Variants in SAMD4A observed in about 807,000 individuals in gnomAD.
SAMD4A encodes protein Smaug homolog 1.
Under a neutral mutation model 81.3 loss-of-function variants are expected in SAMD4A, and 33 were observed. The ratio of observed to expected loss-of-function variants is 0.41; its 90% CI spans 0.31 to 0.54. The LOEUF is 0.54. Among genes scored for constraint, SAMD4A ranks in the 20% least tolerant of loss-of-function variants. SAMD4A has a pLI of 0.37. For missense variants in SAMD4A, 854 were observed against 951.1 expected, an observed-to-expected ratio of 0.90 and a Z score of 1.34; for synonymous variants, 389 against 382.1, an observed-to-expected ratio of 1.02 and a Z score of -0.21.
chr14:54,784,584 T>A lies in SAMD4A; in HGVS notation c.2092T>A (p.Ser698Thr). The change falls in exon 12 of 13, where the codon TCG becomes ACG. Residue 698 changes from serine to threonine, a missense_variant. Coordinates refer to ENST00000554335, the MANE Select transcript of SAMD4A (RefSeq NM_015589.6). ...TEPDINNRLESLCLSMTEHAL... is the reference protein window; with the variant it reads ...TEPDINNRLETLCLSMTEHAL... ...ACCTGACATCAACAACAGGCTGGAG[T>A]CGTTGTGCCTCAGTATGACCGAACA... 6.2e-7 allele frequency: 1 copy of A among 1,613,646 alleles called. No individual in the cohort carries two copies. Among genetic ancestry groups the A allele is most frequent in the Non-Finnish European group, 8.5e-7 (1 of 1,179,876 alleles).
intron 10 of SAMD4A, among the ~76,000 whole-genome samples, chr14:54,775,358 G>A (rs2038815678): frequency 6.6e-6 from 1 of 152,180 alleles, no homozygotes; most frequent in African/African-American, 2.4e-5. Flanking sequence ...CTTTAACCTT[G>A]GGGACCCTGC....
At chr14:54,633,784 G>A (rs1429215352) in intron 2 of SAMD4A, among the ~76,000 whole-genome samples, 1 of 152,116 alleles carries the variant, frequency 6.6e-6, no homozygotes, top group African/African-American at 2.4e-5. Flanking sequence ...AATGAGGAGA[G>A]TAATTTCACA....
chr14:54,655,049 A>T (rs969638131), intron 2 of SAMD4A, among the ~76,000 whole-genome samples: 20 of 152,230 alleles, frequency 1.3e-4, no homozygotes, highest in African/African-American at 4.3e-4. Flanking sequence ...GGAGACTAGG[A>T]TCTTAGCCTC....
intron 2 of SAMD4A, among the ~76,000 whole-genome samples, chr14:54,690,785 T>G (rs967726334): frequency 1.3e-5 from 2 of 152,172 alleles, no homozygotes; most frequent in African/African-American, 4.8e-5. Flanking sequence ...AACAACACAG[T>G]AGGCCAGTGC....
At chr14:54,618,991 GA>G (rs893004359) in intron 2 of SAMD4A, among the ~76,000 whole-genome samples, 3 of 151,710 alleles carry the variant, frequency 2.0e-5, no homozygotes, top group Non-Finnish European at 2.9e-5. Context: ...TGTATAGAAA[GA>G]AAAAAAGAGC....
At chr14:54,579,034 C>G (rs7150554) in intron 2 of SAMD4A, among the ~76,000 whole-genome samples, 67,977 of 152,038 alleles carry the variant, frequency 0.45, 16,604 homozygotes, top group African/African-American at 0.65. Context: ...TATCTTTTTT[C>G]TTCTCTCCGT....
intron 6 of SAMD4A, among the ~76,000 whole-genome samples, chr14:54,752,720 G>A (rs1466711182): frequency 3.9e-5 from 6 of 152,162 alleles, no homozygotes; most frequent in Non-Finnish European, 8.8e-5. Context: ...GTGGGCCCAG[G>A]GGACCGGCAC....
chr14:54,686,476 A>T (rs2036272496), intron 2 of SAMD4A, among the ~76,000 whole-genome samples: 1 of 151,888 alleles, frequency 6.6e-6, no homozygotes, highest in Admixed American at 6.6e-5. Flanking sequence ...TTCCAGCTGA[A>T]TGTCACTTAC....
At chr14:54,620,786 G>A (rs944775733) in intron 2 of SAMD4A, among the ~76,000 whole-genome samples, 2 of 152,142 alleles carry the variant, frequency 1.3e-5, no homozygotes, top group African/African-American at 4.8e-5. Flanking sequence ...TAGAGACAGA[G>A]TCTCACTTTG....
At chr14:54,654,963 A>G (rs2140438845) in intron 2 of SAMD4A, among the ~76,000 whole-genome samples, 1 of 152,340 alleles carries the variant, frequency 6.6e-6, no homozygotes, top group South Asian at 2.1e-4. Flanking sequence ...TCCATATAGC[A>G]GAGACATAAA....
intron 2 of SAMD4A, among the ~76,000 whole-genome samples, chr14:54,634,035 C>T (rs4638487): frequency 0.2 from 30,448 of 151,990 alleles, 3,208 homozygotes; most frequent in East Asian, 0.37. Context: ...CGGTGGCTCA[C>T]GCCTGTAATT....
chr14:54,620,072 G>T lies in SAMD4A; in HGVS notation c.196+51960G>T, dbSNP rs576773571. 4.6e-4 allele frequency among the ~76,000 whole-genome samples: 70 copies of T among 152,058 alleles called. 1 individual carries two copies. Among genetic ancestry groups the T allele is most frequent in the African/African-American group, 1.6e-3 (68 of 41,454 alleles). Reference sequence around the variant, plus strand: ...AACTAAAACTGATGGCTACTCTTGGGTGGGTGTTACGTACATTCTAGGCCT... The same window carrying T: ...AACTAAAACTGATGGCTACTCTTGGTTGGGTGTTACGTACATTCTAGGCCT... On this transcript the variant is annotated intron_variant, in intron 2 of 12. Transcript: ENST00000554335.
chr14:54,788,996 C>G lies in SAMD4A; in HGVS notation c.*52C>G, dbSNP rs780966526. ...GGCCGTGAAATCGACTGCTGCGGGTCCAGTGTCCGCCATCTTCAGGGTTGC... is the reference window on the plus strand; with the variant it reads ...GGCCGTGAAATCGACTGCTGCGGGTGCAGTGTCCGCCATCTTCAGGGTTGC... On this transcript the variant is annotated 3_prime_UTR_variant, in exon 13 of 13. Coordinates refer to ENST00000554335, the MANE Select transcript of SAMD4A (RefSeq NM_015589.6). The G allele has an allele frequency of 4.1e-5, 65 of 1,582,366 alleles. No homozygotes were observed. The highest frequency in any genetic ancestry group is 5.2e-5 in the Non-Finnish European group (60 of 1,151,182).
intron 4 of SAMD4A, among the ~76,000 whole-genome samples, chr14:54,737,625 G>A (rs896621901): frequency 7.3e-6 from 1 of 137,594 alleles, no homozygotes; most frequent in African/African-American, 2.7e-5. Context: ...TCTTCTGTTT[G>A]TAAAGCTACT....
chr14:54,740,487 G>A (rs1272931755), intron 4 of SAMD4A, among the ~76,000 whole-genome samples: 1 of 152,250 alleles, frequency 6.6e-6, no homozygotes, highest in Admixed American at 6.5e-5. Flanking sequence ...AGAATGAAAA[G>A]TTACTATAGT....
At chr14:54,732,720 T>C (rs933964808) in intron 3 of SAMD4A, among the ~76,000 whole-genome samples, 27 of 152,204 alleles carry the variant, frequency 1.8e-4, no homozygotes, top group African/African-American at 6.3e-4. Context: ...GTGGATCACT[T>C]TTCTCCTTGA....
chr14:54,636,154 G>T (rs980783035), intron 2 of SAMD4A, among the ~76,000 whole-genome samples: 2 of 152,204 alleles, frequency 1.3e-5, no homozygotes, highest in African/African-American at 4.8e-5. Flanking sequence ...GTGAGCCTCA[G>T]CTAGAAGGTG....
intron 2 of SAMD4A, among the ~76,000 whole-genome samples, chr14:54,684,244 G>C (rs1004547064): frequency 2.6e-5 from 4 of 152,176 alleles, no homozygotes; most frequent in Admixed American, 2.0e-4. Flanking sequence ...TACCGAGTTA[G>C]TGACACCTCT....
intron 5 of SAMD4A, among the ~76,000 whole-genome samples, chr14:54,749,617 C>G (rs2038051569): frequency 6.6e-6 from 1 of 152,220 alleles, no homozygotes; most frequent in African/African-American, 2.4e-5. Context: ...CCTTCTAAGG[C>G]ATCTTTCCCC....
Sources: gnomAD v4.1 joint callset for allele counts (sites outside exome capture counted in the v4.1 genomes callset) on GRCh38, gnomAD v4.1.1 for gene constraint, MANE v1.5 for transcripts, NCBI Gene and HGNC (gene_info 2026-07-23, HGNC 2026-07-21) for gene names.